Variants in SYT11 observed in about 807,000 individuals in gnomAD.
The protein encoded by SYT11 is synaptotagmin-11.
SYT11 carries 12 observed loss-of-function variants against 30.4 expected under a neutral mutation model. The observed-to-expected ratio is 0.39, with a 90% CI of 0.25 to 0.64. The LOEUF (loss-of-function observed/expected upper bound fraction) is 0.64, where lower values mean the gene tolerates loss of function less well. Ranked by LOEUF, SYT11 falls within the 30% of genes least tolerant of loss-of-function variation. The pLI is 0.45. For synonymous variants in SYT11, 204 were observed against 216.0 expected, an observed-to-expected ratio of 0.94 and a Z score of 0.49; for missense variants, 412 against 552.0, an observed-to-expected ratio of 0.75 and a Z score of 2.54.
rs112195364 is a variant in SYT11 at position 155,867,518 on chromosome 1, C to T, written c.35-447C>T. 7.9e-5 allele frequency among the ~76,000 whole-genome samples: 12 copies of T among 152,274 alleles called. 1 individual carries two copies. The highest frequency in any genetic ancestry group is 1.7e-4 in the African/African-American group (7 of 41,544). ...ACACCCTTCCACCCTAGCCTGACAGCGAGTCAGTCAGTGCAGGCCCTGTTC... is the reference window on the plus strand; with the variant it reads ...ACACCCTTCCACCCTAGCCTGACAGTGAGTCAGTCAGTGCAGGCCCTGTTC... On this transcript the variant is annotated intron_variant, in intron 1 of 3. Transcript: ENST00000368324.
rs1672999662 is a variant in SYT11, at chr1:155,882,758, G to A, written c.*1250G>A. 1 of 152,346 alleles carries A rather than the reference G, an allele frequency of 6.6e-6. No individual in the cohort carries two copies. The highest frequency in any genetic ancestry group is 2.4e-5 in the African/African-American group (1 of 41,452). The allele number at this position is 152,346 out of a possible 1,614,324, so 9.4% of individuals were successfully genotyped here. A position where few individuals can be genotyped will look rare whatever the true frequency, so the allele number is the denominator to read the frequency against. On this transcript the variant is annotated 3_prime_UTR_variant, in exon 4 of 4. Coordinates refer to ENST00000368324, the MANE Select transcript of SYT11 (RefSeq NM_152280.5). ...CCCCTTTGCAGCTATCTACTGTAGT[G>A]ACAGCCATTTCTTGGTTGATGGGTT...
In SYT11 at chr1:155,876,228, C is replaced by T. The variant is rs554903189; in HGVS notation, c.862-4272C>T. Among the ~76,000 whole-genome samples the T allele has an allele frequency of 3.7e-4, 53 of 144,262 alleles. No homozygotes were observed. In the East Asian group the frequency reaches 9.0e-3, roughly 24 times the overall value. The allele number at this position is 144,262 out of a possible 152,430, so 94.6% of individuals were successfully genotyped here. A position where few individuals can be genotyped will look rare whatever the true frequency, so the allele number is the denominator to read the frequency against. ...ATTATGTTCTACATTCCTCAAAACTCACCTCCCTTTTTTTTTTTTTTTTTT... is the reference window on the plus strand; with the variant it reads ...ATTATGTTCTACATTCCTCAAAACTTACCTCCCTTTTTTTTTTTTTTTTTT... On this transcript the variant is annotated intron_variant, in intron 2 of 3. Transcript: ENST00000368324.
chr1:155,877,414 C>A (rs1403970928), intron 2 of SYT11, among the ~76,000 whole-genome samples: 1 of 151,590 alleles, frequency 6.6e-6, no homozygotes, highest in African/African-American at 2.4e-5. Flanking sequence ...ACAGCAGCTT[C>A]TTTTTGACAG....
chr1:155,859,809 G>A lies in SYT11; in HGVS notation c.34+14G>A. 6.2e-7 allele frequency: 1 copy of A among 1,613,738 alleles called. No individual in the cohort carries two copies. The highest frequency in any genetic ancestry group is 8.5e-7 in the Non-Finnish European group (1 of 1,179,594). On this transcript the variant is annotated intron_variant, in intron 1 of 3. Transcript: ENST00000368324. ...GACCTAGCTTTGGTAAGTAGACTCG[G>A]GAAAACTAAGCTTGAGGTGGTCAGA... is the stretch of plus-strand genomic sequence containing the variant.
intron 2 of SYT11, among the ~76,000 whole-genome samples, chr1:155,871,545 T>A (rs1672781243): frequency 1.3e-5 from 2 of 152,238 alleles, no homozygotes; most frequent in African/African-American, 4.8e-5. Context: ...TGATTTGGGC[T>A]GGGAACAAAA....
At chr1:155,875,079 C>G in intron 2 of SYT11, among the ~76,000 whole-genome samples, 1 of 147,678 alleles carries the variant, frequency 6.8e-6, no homozygotes, top group Non-Finnish European at 1.5e-5. Context: ...GTAGCGAAAC[C>G]CCGTCTTTAC....
In SYT11 at chr1:155,859,759, G is replaced by C. The variant is rs777827025; in HGVS notation, c.-3G>C. 2 of 1,614,100 alleles carry C rather than the reference G, an allele frequency of 1.2e-6. No homozygotes were observed. The highest frequency in any genetic ancestry group is 1.7e-6 in the Non-Finnish European group (2 of 1,179,962). On this transcript the variant is annotated 5_prime_UTR_variant, in exon 1 of 4. Transcript: ENST00000368324. ...CGTTATAGCAACAGCCTCTGATTAC[G>C]ACATGGCTGAGATCACCAATATCCG...
At position 155,868,725 on chromosome 1, in the gene SYT11, G is replaced by A. The variant is rs771137147; in HGVS notation, c.795G>A (p.Leu265=). 2.5e-6 allele frequency: 4 copies of A among 1,614,216 alleles called. No individual in the cohort carries two copies. The Admixed American group carries it at 6.7e-5, about 27-fold the overall frequency. The change falls in exon 2 of 4, where the codon CTG becomes CTA. Residue 265 remains leucine, a synonymous_variant. Coordinates refer to ENST00000368324, the MANE Select transcript of SYT11 (RefSeq NM_152280.5). This position sits in a 1 kb window ranked among gnomAD's most constrained non-coding sequence, Gnocchi z 4.7. ...TCATTGGCGAGGTCATGGTGCCACTGGCAGGGGTGGACCCCAGCACAGGCA... is the reference window on the plus strand; with the variant it reads ...TCATTGGCGAGGTCATGGTGCCACTAGCAGGGGTGGACCCCAGCACAGGCA... ...DDVIGEVMVP[L]AGVDPSTGKV... is the part of the protein sequence containing the mutation.
Position 155,868,322 on chromosome 1 carries a change from A to C in SYT11, c.392A>C (p.Glu131Ala), listed in dbSNP as rs1672721006. 28 of 1,614,090 alleles carry C rather than the reference A, an allele frequency of 1.7e-5. No homozygotes were observed. Among genetic ancestry groups the C allele is most frequent in the Non-Finnish European group, 2.4e-5 (28 of 1,180,008 alleles). ...CCCATCAAAATGGACTATGGGGAAG[A>C]ACTAAGGAGCCCTATTACAAGCCTG... ...QLPIKMDYGE[E>A]LRSPITSLTP... Residue 131 changes from glutamate (E) to alanine (A), a missense_variant, in exon 2 of 4, where the codon GAA becomes GCA. Transcript: ENST00000368324. The surrounding 1 kb of genome is among the most constrained non-coding windows in gnomAD (Gnocchi z 4.7).
chr1:155,884,116 C>T lies in SYT11; in HGVS notation c.*2608C>T, dbSNP rs1209858342. 2 of 152,766 alleles carry T rather than the reference C, an allele frequency of 1.3e-5. No individual in the cohort carries two copies. Among genetic ancestry groups the T allele is most frequent in the Non-Finnish European group, 2.9e-5 (2 of 68,050 alleles). 9.5% of individuals were successfully genotyped at this position (152,766 alleles called of 1,614,324 possible). A position where few individuals can be genotyped will look rare whatever the true frequency, so the allele number is the denominator to read the frequency against. On this transcript the variant is annotated 3_prime_UTR_variant, in exon 4 of 4. Coordinates refer to ENST00000368324, the MANE Select transcript of SYT11 (RefSeq NM_152280.5). ...CATTAGGAAAAAATTTAAATGGTTC[C>T]TCTTCATCGCCTTAATGTCTAAAGA...
In SYT11 at chr1:155,868,730, G is replaced by A. The variant is rs1395155064; in HGVS notation, c.800G>A (p.Gly267Glu). ...VIGEVMVPLA[G>E]VDPSTGKVQL... ...GGCGAGGTCATGGTGCCACTGGCAG[G>A]GGTGGACCCCAGCACAGGCAAGGTA... Residue 267 changes from glycine to glutamate, a missense_variant, in exon 2 of 4, where the codon GGG becomes GAG. Physicochemically the swap from Gly to Glu is moderately conservative, Grantham distance 98. Transcript: ENST00000368324. The surrounding 1 kb of genome is among the most constrained non-coding windows in gnomAD (Gnocchi z 4.7). The A allele has an allele frequency of 6.2e-7, 1 of 1,614,088 alleles. No individual in the cohort carries two copies. Among genetic ancestry groups the A allele is most frequent in the Non-Finnish European group, 8.5e-7 (1 of 1,180,058 alleles).
At chr1:155,867,552 A>G (rs1337472699) in intron 1 of SYT11, among the ~76,000 whole-genome samples, 1 of 152,118 alleles carries the variant, frequency 6.6e-6, no homozygotes, top group African/African-American at 2.4e-5. Context: ...TCTGGATGCT[A>G]TGGAATATCC....
At chr1:155,871,688 C>A (rs1229907902) in intron 2 of SYT11, among the ~76,000 whole-genome samples, 1 of 152,216 alleles carries the variant, frequency 6.6e-6, no homozygotes, top group Non-Finnish European at 1.5e-5. Context: ...GGGCTAGGAT[C>A]CTGAGCAACA....
chr1:155,860,892 C>T lies in SYT11; in HGVS notation c.34+1097C>T, dbSNP rs899656892. Reference sequence around the variant, plus strand: ...GATCAAATAAATAAAATATAATTGCCCTGCTTCTCCTTGATTCAGTTTAGA... The same window carrying T: ...GATCAAATAAATAAAATATAATTGCTCTGCTTCTCCTTGATTCAGTTTAGA... On this transcript the variant is annotated intron_variant, in intron 1 of 3. Transcript: ENST00000368324. This position sits in a 1 kb window ranked among gnomAD's most constrained non-coding sequence, Gnocchi z 4.1. Among the ~76,000 whole-genome samples, 1 of 152,112 alleles carries T rather than the reference C, an allele frequency of 6.6e-6. No homozygotes were observed. Among genetic ancestry groups the T allele is most frequent in the Admixed American group, 6.5e-5 (1 of 15,270 alleles).
intron 1 of SYT11, among the ~76,000 whole-genome samples, chr1:155,864,485 AG>A (rs1213582470): frequency 6.6e-6 from 1 of 152,056 alleles, no homozygotes; most frequent in Non-Finnish European, 1.5e-5. Flanking sequence ...CTAGGTTTGG[AG>A]GGAAGAAAAA....
intron 1 of SYT11, among the ~76,000 whole-genome samples, chr1:155,866,989 CACAT>C (rs10531680): frequency 0.51 from 69,739 of 138,054 alleles, 18,711 homozygotes; most frequent in Middle Eastern, 0.65. Flanking sequence ...CACACACACA[CACAT>C]ATATATATAT....
In SYT11 at chr1:155,881,606, T is replaced by C. The variant is rs983411347; in HGVS notation, c.*98T>C. The stretch of plus-strand genomic sequence containing the variant: ...AAGTGGACTCCAAACCTCATTTTAG[T>C]TGTAGAAGAAAATTTCTTACAAAAC... On this transcript the variant is annotated 3_prime_UTR_variant, in exon 4 of 4. Transcript: ENST00000368324. The C allele has an allele frequency of 8.3e-7, 1 of 1,208,006 alleles. No homozygotes were observed. 74.8% of individuals were successfully genotyped at this position (1,208,006 alleles called of 1,614,324 possible).
Position 155,859,801 on chromosome 1 carries a change from T to A in SYT11, c.34+6T>A. On this transcript the variant is annotated splice_donor_region_variant and intron_variant, in intron 1 of 3. Coordinates refer to ENST00000368324, the MANE Select transcript of SYT11 (RefSeq NM_152280.5). ...CAATATCCGACCTAGCTTTGGTAAG[T>A]AGACTCGGGAAAACTAAGCTTGAGG... 6.2e-7 allele frequency: 1 copy of A among 1,613,916 alleles called. No individual in the cohort carries two copies. The highest frequency in any genetic ancestry group is 1.1e-5 in the South Asian group (1 of 91,082).
chr1:155,871,952 C>T (rs1322364666), intron 2 of SYT11, among the ~76,000 whole-genome samples: 2 of 152,150 alleles, frequency 1.3e-5, no homozygotes, highest in African/African-American at 4.8e-5. Flanking sequence ...TGAACGTCAG[C>T]TAGAGCTGCC....
Sources: gnomAD v4.1 joint callset for allele counts (sites outside exome capture counted in the v4.1 genomes callset) on GRCh38, gnomAD v4.1.1 for gene constraint, Gnocchi (gnomAD v3.1) non-coding constraint, MANE v1.5 for transcripts, NCBI Gene and HGNC (gene_info 2026-07-23, HGNC 2026-07-21) for gene names.